Variants in CENPE observed in about 807,000 individuals in gnomAD.
CENPE encodes centromere protein E, also known as centromere-associated protein E.
In CENPE, 145 loss-of-function variants were observed where a neutral mutation model predicts 336.1. The observed-to-expected ratio is 0.43, with a 90% confidence interval of 0.38 to 0.50. The LOEUF is 0.50. CENPE is among the 20% of genes least tolerant of loss of function. The pLI, the probability that CENPE is intolerant of heterozygous loss-of-function variation, is 0.00. For missense variants in CENPE, 2,719 were observed against 3,023.3 expected (o/e 0.90, Z 2.36); for synonymous variants, 1,013 against 984.8 (o/e 1.03, Z -0.54).
At chr4:103,197,920 T>C (rs764131677) in intron 1 of CENPE, among the ~76,000 whole-genome samples, 2 of 152,242 alleles carry the variant, frequency 1.3e-5, no homozygotes, top group African/African-American at 2.4e-5. Flanking sequence ...GTAAAATGAC[T>C]AACTGTGATG....
intron 17 of CENPE, 103 bp from the exon 18 acceptor site, chr4:103,163,359 A>T (rs923768109): frequency 1.6e-6 from 2 of 1,277,468 alleles, no homozygotes; most frequent in African/African-American, 3.0e-5. Context: ...AGTAAAATTC[A>T]AAGTCACTAA....
intron 16 of CENPE, among the ~76,000 whole-genome samples, chr4:103,168,560 G>C (rs1278599203): frequency 6.6e-6 from 1 of 152,200 alleles, no homozygotes; most frequent in Non-Finnish European, 1.5e-5. Flanking sequence ...AGCACATTCT[G>C]AATTAACTCT....
intron 38 of CENPE, 75 bp from the exon 39 acceptor site, chr4:103,138,524 C>A (rs936952672): frequency 3.5e-6 from 3 of 858,966 alleles, no homozygotes; most frequent in Non-Finnish European, 5.8e-6. Context: ...TCGCACACTT[C>A]TAAATTACAT....
chr4:103,113,373 G>C (rs1055466316), intron 46 of CENPE, among the ~76,000 whole-genome samples: 7 of 139,366 alleles, frequency 5.0e-5, no homozygotes, highest in Non-Finnish European at 1.1e-4. Context: ...TACTTCTATA[G>C]ACTTATAAGT....
chr4:103,175,840 A>G (rs1283261343), intron 15 of CENPE, 120 bp downstream of exon 15: 2 of 591,002 alleles, frequency 3.4e-6, no homozygotes, highest in Non-Finnish European at 5.7e-6. Context: ...GTAAAGAGAA[A>G]AGCCTTCATT....
chr4:103,157,788 T>A (rs866793116), intron 24 of CENPE, among the ~76,000 whole-genome samples: 2 of 152,002 alleles, frequency 1.3e-5, no homozygotes, highest in South Asian at 4.1e-4. Flanking sequence ...CCAAGCTATA[T>A]ATTTACAAAA....
chr4:103,138,126 A>G lies in CENPE; in HGVS notation c.6303+225T>C, dbSNP rs11728063. On this transcript the variant is annotated intron_variant, in intron 39 of 48. Transcript: ENST00000265148. ...TTTACCTCGTTCAGGTATTTGCTCAAGTATCACTTTTCTGGTGAGGACTTA... is the reference window on the plus strand; with the variant it reads ...TTTACCTCGTTCAGGTATTTGCTCAGGTATCACTTTTCTGGTGAGGACTTA... 0.028 allele frequency among the ~76,000 whole-genome samples: 4,334 copies of G among 152,280 alleles called. 81 individuals are homozygous for G. The highest frequency in any genetic ancestry group is 0.045 in the Non-Finnish European group (3,040 of 68,026).
At chr4:103,160,580 GTTT>G in intron 21 of CENPE, 42 bp downstream of exon 21, 1 of 1,523,834 alleles carries the variant, frequency 6.6e-7, no homozygotes, top group South Asian at 1.3e-5. Flanking sequence ...TATCGCAAAG[GTTT>G]TTATTTCAAA....
chr4:103,187,247 T>A (rs1756858708), intron 8 of CENPE, among the ~76,000 whole-genome samples: 1 of 152,236 alleles, frequency 6.6e-6, no homozygotes, highest in African/African-American at 2.4e-5. Context: ...AGTCCCATAT[T>A]TCTTGGAGGT....
intron 4 of CENPE, among the ~76,000 whole-genome samples, chr4:103,195,562 C>G (rs557765373): frequency 1.3e-5 from 2 of 152,146 alleles, no homozygotes; most frequent in East Asian, 3.9e-4. Context: ...CTTTCTGCTT[C>G]CCTTCTTTTT....
At chr4:103,152,282 C>T (rs554884983) in intron 25 of CENPE, among the ~76,000 whole-genome samples, 5 of 152,242 alleles carry the variant, frequency 3.3e-5, no homozygotes, top group South Asian at 2.1e-4. Flanking sequence ...AAATGTTCAA[C>T]ATCTTAGTCA....
At chr4:103,159,349 G>C (rs753979844) in intron 21 of CENPE, 25 bp from the exon 22 acceptor site, 3 of 1,281,934 alleles carry the variant, frequency 2.3e-6, no homozygotes, top group South Asian at 1.9e-5. Flanking sequence ...TAAAATTTAG[G>C]GATGTTAGCA....
intron 1 of CENPE, among the ~76,000 whole-genome samples, 193 bp from the exon 2 acceptor site, chr4:103,197,043 T>C (rs891057182): frequency 1.3e-5 from 2 of 152,226 alleles, no homozygotes; most frequent in African/African-American, 4.8e-5. Flanking sequence ...AAGTGTTTTC[T>C]TGTGAAGGCT....
At chr4:103,170,674 T>C (rs926768933) in intron 16 of CENPE, among the ~76,000 whole-genome samples, 7 of 152,098 alleles carry the variant, frequency 4.6e-5, no homozygotes, top group Admixed American at 3.9e-4. Context: ...AAAATGGAAG[T>C]AGTAATTTCC....
intron 12 of CENPE, 145 bp from the exon 13 acceptor site, chr4:103,180,614 A>G: frequency 1.8e-6 from 1 of 546,440 alleles, no homozygotes; most frequent in Non-Finnish European, 3.1e-6. Context: ...CTCTAACTGT[A>G]GAACACCAAA....
chr4:103,145,895 C>A lies in CENPE; in HGVS notation c.4347G>T (p.Arg1449Ser). 6.2e-7 allele frequency: 1 copy of A among 1,613,634 alleles called. No homozygotes were observed. The highest frequency in any genetic ancestry group is 1.1e-5 in the South Asian group (1 of 90,992). ...TTTCAGATTGAAGAACTTCTTGCAG[C>A]CTCTGTAGGTCATCTTTCTCCTTAG... is the stretch of plus-strand genomic sequence containing the variant. Reference protein sequence around the residue: ...SVAKEKDDLQRLQEVLQSESD... With the variant: ...SVAKEKDDLQSLQEVLQSESD... Residue 1449 changes from arginine to serine, a missense_variant, in exon 30 of 49, where the codon AGG becomes AGT. By Grantham distance (110) the Arg-to-Ser change is moderately radical. Coordinates refer to ENST00000265148, the MANE Select transcript of CENPE (RefSeq NM_001813.3).
chr4:103,196,249 C>T lies in CENPE; in HGVS notation c.152G>A (p.Arg51His), dbSNP rs1390317195. 2 of 1,601,044 alleles carry T rather than the reference C, an allele frequency of 1.2e-6. No individual in the cohort carries two copies. The highest frequency in any genetic ancestry group is 1.7e-6 in the Non-Finnish European group (2 of 1,170,854). Residue 51 changes from arginine (R) to histidine (H), a missense_variant, in exon 3 of 49, where the codon CGT becomes CAT. Transcript: ENST00000265148. ...GGTAGTTTCATTACCATGAAAGACA[C>T]GATCTAAACAACAACAACAACAACA... is the stretch of plus-strand genomic sequence containing the variant. ...VDGSKSFNFDRVFHGNETTKN... is the reference protein window; with the variant it reads ...VDGSKSFNFDHVFHGNETTKN...
chr4:103,126,281 T>C (rs945160937), intron 42 of CENPE, among the ~76,000 whole-genome samples: 4 of 151,608 alleles, frequency 2.6e-5, no homozygotes, highest in African/African-American at 4.9e-5. Context: ...AACACAGCAT[T>C]TTTTTTTTCT....
intron 42 of CENPE, among the ~76,000 whole-genome samples, chr4:103,127,575 G>A (rs896314731): frequency 6.6e-6 from 1 of 152,138 alleles, no homozygotes; most frequent in Non-Finnish European, 1.5e-5. Context: ...TCTTAACTGA[G>A]CTAACTTATG....
Sources: gnomAD v4.1 joint callset for allele counts (sites outside exome capture counted in the v4.1 genomes callset) on GRCh38, gnomAD v4.1.1 for gene constraint, MANE v1.5 for transcripts, NCBI Gene and HGNC (gene_info 2026-07-23, HGNC 2026-07-21) for gene names.